CTNNA2: variants seen among roughly 807,000 people sequenced by gnomAD.
CTNNA2 encodes catenin alpha-2.
Under a neutral mutation model 101.0 loss-of-function variants are expected in CTNNA2, and 42 were observed. The observed-to-expected ratio is 0.42, with a 90% CI of 0.32 to 0.54. The LOEUF (loss-of-function observed/expected upper bound fraction) is 0.54, where lower values mean the gene tolerates loss of function less well. CTNNA2 is among the 20% of genes least tolerant of loss of function. The probability of loss-of-function intolerance (pLI) is 0.14; values close to 1 mark genes in which losing one functional copy is unlikely to be tolerated. For missense variants in CTNNA2, 871 were observed against 1,223.1 expected (o/e 0.71, Z 4.29); for synonymous variants, 450 against 456.4 (o/e 0.99, Z 0.18).
chr2:79,479,829 A>G (rs927479140), intron 4 of CTNNA2, among the ~76,000 whole-genome samples: 9 of 152,070 alleles, frequency 5.9e-5, no homozygotes, highest in African/African-American at 2.2e-4. Flanking sequence ...AGGCTGAGGC[A>G]GGAGAATCGC....
intron 7 of CTNNA2, chr2:80,328,450 G>A (rs570954185): frequency 2.4e-5 from 11 of 463,418 alleles, no homozygotes; most frequent in East Asian, 7.0e-5. Flanking sequence ...GAAGGACAGT[G>A]TAGAGGGGAA....
intron 2 of CTNNA2, among the ~76,000 whole-genome samples, chr2:79,226,898 C>T (rs1257722347): frequency 6.6e-6 from 1 of 151,966 alleles, no homozygotes; most frequent in Non-Finnish European, 1.5e-5. Context: ...AATTTGTATC[C>T]CAAGGCGCTG....
intron 4 of CTNNA2, among the ~76,000 whole-genome samples, chr2:79,484,009 G>A (rs746192629): frequency 8.5e-5 from 13 of 152,114 alleles, no homozygotes; most frequent in Admixed American, 1.3e-4. Context: ...TTGGGAGGCC[G>A]AGGCAGGCAG....
At chr2:80,570,036 T>C (rs1694438901) in intron 12 of CTNNA2, among the ~76,000 whole-genome samples, 1 of 152,034 alleles carries the variant, frequency 6.6e-6, no homozygotes, top group South Asian at 2.1e-4. Flanking sequence ...TATAAACTTT[T>C]GTTTTTATGT....
intron 7 of CTNNA2, among the ~76,000 whole-genome samples, chr2:80,081,179 T>C (rs1573020331): frequency 6.6e-6 from 1 of 152,136 alleles, no homozygotes; most frequent in South Asian, 2.1e-4. Context: ...TTCTTGGTTA[T>C]GTGACCCACA....
At chr2:80,415,522 C>T (rs1679959714) in intron 8 of CTNNA2, among the ~76,000 whole-genome samples, 1 of 152,012 alleles carries the variant, frequency 6.6e-6, no homozygotes, top group African/African-American at 2.4e-5. Flanking sequence ...AAAGTGTTTG[C>T]AAGTATGCAT....
chr2:79,591,961 AATTTT>A (rs1676884865), intron 1 of CTNNA2, among the ~76,000 whole-genome samples: 1 of 102,120 alleles, frequency 9.8e-6, no homozygotes, highest in Non-Finnish European at 2.1e-5. Flanking sequence ...ACATTCATTT[AATTTT>A]TTCTCCCAAA....
chr2:80,364,099 T>C (rs1468522954), intron 7 of CTNNA2, among the ~76,000 whole-genome samples: 1 of 152,134 alleles, frequency 6.6e-6, no homozygotes, highest in Non-Finnish European at 1.5e-5. Context: ...GAGGACTGAG[T>C]TGAATACAGT....
At chr2:79,526,251 T>G (rs1156914212) in intron 1 of CTNNA2, among the ~76,000 whole-genome samples, 4 of 152,030 alleles carry the variant, frequency 2.6e-5, no homozygotes, top group Non-Finnish European at 5.9e-5. Context: ...TAAAACAATC[T>G]ATACTGTTAC....
chr2:80,072,010 T>C (rs1698381118), intron 7 of CTNNA2, among the ~76,000 whole-genome samples: 3 of 152,202 alleles, frequency 2.0e-5, no homozygotes, highest in African/African-American at 4.8e-5. Flanking sequence ...ATCTTACATA[T>C]TGGCAGATTT....
intron 2 of CTNNA2, among the ~76,000 whole-genome samples, chr2:79,205,655 C>G (rs1202850252): frequency 6.6e-6 from 1 of 152,212 alleles, no homozygotes; most frequent in Non-Finnish European, 1.5e-5. Flanking sequence ...CAGGTGTTCA[C>G]AAAGCATAGG....
chr2:79,832,380 G>T (rs1262208385), intron 3 of CTNNA2, among the ~76,000 whole-genome samples: 1 of 152,182 alleles, frequency 6.6e-6, no homozygotes, highest in Non-Finnish European at 1.5e-5. Context: ...GGGCAGATTT[G>T]TTGAATTAAC....
At chr2:80,174,655 C>T (rs572488323) in intron 7 of CTNNA2, among the ~76,000 whole-genome samples, 1 of 152,322 alleles carries the variant, frequency 6.6e-6, no homozygotes, top group African/African-American at 2.4e-5. Flanking sequence ...AAATCAAGCT[C>T]ATTTATTATC....
chr2:80,061,838 A>G (rs1023085584), intron 7 of CTNNA2, among the ~76,000 whole-genome samples: 1 of 152,210 alleles, frequency 6.6e-6, no homozygotes. Context: ...TGAATGAGGG[A>G]ATGCATGAAT....
chr2:80,517,843 C>G (rs150980327), intron 9 of CTNNA2, among the ~76,000 whole-genome samples: 1 of 152,164 alleles, frequency 6.6e-6, no homozygotes, highest in Non-Finnish European at 1.5e-5. Context: ...ACTTGGTCTG[C>G]ATGATTACTT....
At chr2:80,354,513 G>A (rs1051070479) in intron 7 of CTNNA2, among the ~76,000 whole-genome samples, 9 of 152,002 alleles carry the variant, frequency 5.9e-5, no homozygotes, top group Non-Finnish European at 8.8e-5. Flanking sequence ...AATTTTGAGG[G>A]GACAAAGGTA....
At chr2:80,113,605 T>C (rs1270378052) in intron 7 of CTNNA2, among the ~76,000 whole-genome samples, 5 of 152,244 alleles carry the variant, frequency 3.3e-5, no homozygotes, top group Non-Finnish European at 5.9e-5. Context: ...TGTTTATGGC[T>C]GCTTTTGCAC....
intron 1 of CTNNA2, among the ~76,000 whole-genome samples, chr2:79,542,153 A>G (rs1393658656): frequency 1.3e-5 from 2 of 152,132 alleles, no homozygotes; most frequent in Admixed American, 6.5e-5. Context: ...CAGCACTGCT[A>G]AACTTGCCAA....
At chr2:80,397,768 A>G (rs1314623118) in intron 8 of CTNNA2, among the ~76,000 whole-genome samples, 1 of 152,142 alleles carries the variant, frequency 6.6e-6, no homozygotes, top group Non-Finnish European at 1.5e-5. Context: ...CCATGGCCAT[A>G]TAGGGTGTGG....
Sources: allele counts gnomAD v4.1 joint callset (sites outside exome capture counted in the v4.1 genomes callset), GRCh38; gene constraint gnomAD v4.1.1; transcripts MANE v1.5; gene names NCBI Gene and HGNC (gene_info 2026-07-23, HGNC 2026-07-21).